SGCD: variants seen among roughly 807,000 people sequenced by gnomAD.
SGCD encodes delta-sarcoglycan.
Under a neutral mutation model 36.6 loss-of-function variants are expected in SGCD, and 18 were observed. The ratio of observed to expected loss-of-function variants is 0.49; its 90% confidence interval spans 0.34 to 0.73. SGCD has a LOEUF of 0.73. Ranked by LOEUF, SGCD falls within the 30% of genes least tolerant of loss-of-function variation. The pLI is 0.01. For missense variants in SGCD, 387 were observed against 346.7 expected (o/e 1.12, Z -0.92); for synonymous variants, 133 against 130.6 (o/e 1.02, Z -0.12).
chr5:155,901,531 C>T (rs1351090285), intron 1 of SGCD, among the ~76,000 whole-genome samples: 2 of 152,090 alleles, frequency 1.3e-5, no homozygotes, highest in African/African-American at 4.8e-5. Flanking sequence ...TTGCCTGTGT[C>T]TCTTGGATAG....
chr5:156,734,582 T>C (rs369916857), intron 7 of SGCD, among the ~76,000 whole-genome samples: 16 of 152,344 alleles, frequency 1.1e-4, no homozygotes, highest in African/African-American at 3.8e-4. Context: ...TCATTCCATT[T>C]CATTATTTTT....
rs114470951 is a variant in SGCD, at chr5:156,635,170, G to T, written c.503-12294G>T. Among the ~76,000 whole-genome samples, 1,011 of 152,270 alleles carry T rather than the reference G, an allele frequency of 6.6e-3. 7 individuals are homozygous for T. The highest frequency in any genetic ancestry group is 0.018 in the African/African-American group (733 of 41,566). ...GTTCCAGAATTTGAGGCTGCAGTCA[G>T]CTGTGATCACACCACTGCACTCAGC... On this transcript the variant is annotated intron_variant, in intron 6 of 8. Coordinates refer to ENST00000337851, the MANE Select transcript of SGCD (RefSeq NM_000337.6).
the SGCD span, among the ~76,000 whole-genome samples, chr5:155,828,545 G>T: frequency 6.6e-6 from 1 of 152,142 alleles, no homozygotes; most frequent in Non-Finnish European, 1.5e-5. Context: ...TGTGTAGGAA[G>T]TGATTTGAGG....
chr5:156,490,295 TAATTCTTCTTAAACTGCTCCCAAA>T (rs1755877969), intron 3 of SGCD, among the ~76,000 whole-genome samples: 1 of 151,990 alleles, frequency 6.6e-6, no homozygotes, highest in African/African-American at 2.4e-5. Flanking sequence ...GAACTAACAC[TAATTCTTCTTAAACTGCTCCCAAA>T]AATAAAGAGA....
At chr5:155,981,602 A>G (rs768687300) in intron 1 of SGCD, among the ~76,000 whole-genome samples, 1 of 151,972 alleles carries the variant, frequency 6.6e-6, no homozygotes, top group African/African-American at 2.4e-5. Flanking sequence ...TTTTCAACCT[A>G]TTTCCCAGTG....
At chr5:155,975,223 A>G (rs1003655816) in intron 1 of SGCD, among the ~76,000 whole-genome samples, 1 of 152,194 alleles carries the variant, frequency 6.6e-6, no homozygotes, top group African/African-American at 2.4e-5. Context: ...CATCATCACC[A>G]TCACACATGT....
chr5:156,306,782 T>C (rs543572891), intron 3 of SGCD, among the ~76,000 whole-genome samples: 4 of 152,330 alleles, frequency 2.6e-5, no homozygotes, highest in Admixed American at 6.5e-5. Flanking sequence ...TCGTGTTCCT[T>C]TGTGGCAGGA....
chr5:156,265,074 T>C (rs898803914), intron 3 of SGCD, among the ~76,000 whole-genome samples: 2 of 152,158 alleles, frequency 1.3e-5, no homozygotes, highest in Non-Finnish European at 2.9e-5. Context: ...AAGCCCAGCC[T>C]TTTCAGTCTT....
intron 4 of SGCD, among the ~76,000 whole-genome samples, chr5:156,538,283 A>C (rs1223606643): frequency 1.3e-5 from 2 of 152,182 alleles, no homozygotes; most frequent in Non-Finnish European, 2.9e-5. Context: ...TAATGGAACT[A>C]ACCCAGAATT....
At chr5:155,757,239 C>A in the SGCD span, among the ~76,000 whole-genome samples, 1 of 152,166 alleles carries the variant, frequency 6.6e-6, no homozygotes, top group African/African-American at 2.4e-5. Context: ...GACCTCAAGG[C>A]TTAATCTATA....
At chr5:156,408,416 T>C (rs1037906192) in intron 3 of SGCD, among the ~76,000 whole-genome samples, 1 of 151,060 alleles carries the variant, frequency 6.6e-6, no homozygotes, top group Non-Finnish European at 1.5e-5. Context: ...TGGAGTGCAG[T>C]GGTGTGATCT....
At chr5:156,679,434 T>A (rs906513186) in intron 7 of SGCD, among the ~76,000 whole-genome samples, 3 of 152,196 alleles carry the variant, frequency 2.0e-5, no homozygotes, top group Non-Finnish European at 4.4e-5. Flanking sequence ...TGCACAGATC[T>A]GCCATACCTA....
rs114277293 is a variant in SGCD at position 155,993,859 on chromosome 5, C to T, written c.-282+123435C>T. Reference sequence around the variant, plus strand: ...GCACAGCGTTTTTATGACCTAGCCACAGATGTCTCACAGCATCACTCTGTC... The same window carrying T: ...GCACAGCGTTTTTATGACCTAGCCATAGATGTCTCACAGCATCACTCTGTC... On this transcript the variant is annotated intron_variant, in intron 1 of 9. Coordinates refer to the SGCD transcript ENST00000517913. Among the ~76,000 whole-genome samples the T allele has an allele frequency of 2.5e-3, 387 of 152,238 alleles. 1 individual carries two copies. Among genetic ancestry groups the T allele is most frequent in the African/African-American group, 9.1e-3 (378 of 41,540 alleles).
At chr5:156,306,100 G>A (rs1220673455) in intron 3 of SGCD, among the ~76,000 whole-genome samples, 5 of 152,156 alleles carry the variant, frequency 3.3e-5, no homozygotes, top group East Asian at 1.9e-4. Flanking sequence ...AGACTTTAAG[G>A]GACTGTTGGG....
At chr5:156,032,706 CAAAAAA>C (rs1171072619) in intron 1 of SGCD, among the ~76,000 whole-genome samples, 32 of 15,064 alleles carry the variant, frequency 2.1e-3, no homozygotes, top group African/African-American at 4.3e-3. Flanking sequence ...GACTCCGTCT[CAAAAAA>C]AAAAAAAAAA....
chr5:156,732,745 A>G (rs1756144573), intron 7 of SGCD, among the ~76,000 whole-genome samples: 1 of 152,034 alleles, frequency 6.6e-6, no homozygotes, highest in African/African-American at 2.4e-5. Flanking sequence ...TTGGTAGGCT[A>G]TTTATTACTG....
intron 7 of SGCD, among the ~76,000 whole-genome samples, chr5:156,672,087 A>G (rs1753319926): frequency 6.6e-6 from 1 of 152,132 alleles, no homozygotes; most frequent in African/African-American, 2.4e-5. Context: ...GAAAAGGATA[A>G]ATATCCAAAG....
intron 7 of SGCD, among the ~76,000 whole-genome samples, chr5:156,674,314 A>G (rs1027853138): frequency 2.6e-5 from 4 of 152,208 alleles, no homozygotes; most frequent in Non-Finnish European, 4.4e-5. Flanking sequence ...ATAATCCCAT[A>G]GCGTGAGCCA....
chr5:156,678,741 G>A (rs1045274384), intron 7 of SGCD, among the ~76,000 whole-genome samples: 3 of 152,174 alleles, frequency 2.0e-5, no homozygotes, highest in Non-Finnish European at 4.4e-5. Flanking sequence ...GCCATAAAAA[G>A]GAAGTATACG....
Sources: gnomAD v4.1 joint callset for allele counts (sites outside exome capture counted in the v4.1 genomes callset) on GRCh38, gnomAD v4.1.1 for gene constraint, MANE v1.5 for transcripts, NCBI Gene and HGNC (gene_info 2026-07-23, HGNC 2026-07-21) for gene names.